Variants in UBE2R2 observed in about 807,000 individuals in gnomAD.
UBE2R2 encodes the protein ubiquitin-conjugating enzyme E2 R2.
UBE2R2 carries 1 observed loss-of-function variant against 27.8 expected under a neutral mutation model. The ratio of observed to expected loss-of-function variants is 0.04; its 90% CI spans 0.01 to 0.17. UBE2R2 has a LOEUF of 0.17. Ranked by LOEUF, UBE2R2 falls within the 10% of genes least tolerant of loss-of-function variation. UBE2R2 has a pLI of 1.00. For missense variants in UBE2R2, 100 were observed against 291.0 expected (o/e 0.34, Z 4.78); for synonymous variants, 106 against 113.3 (o/e 0.94, Z 0.41).
intron 1 of UBE2R2, among the ~76,000 whole-genome samples, chr9:33,831,367 C>G (rs2130725997): frequency 6.6e-6 from 1 of 152,242 alleles, no homozygotes; most frequent in East Asian, 1.9e-4. Context: ...TAAGGCAAAA[C>G]AAAAGAGTTT....
chr9:33,845,396 G>A (rs1235859125), intron 1 of UBE2R2, among the ~76,000 whole-genome samples: 4 of 151,440 alleles, frequency 2.6e-5, no homozygotes, highest in South Asian at 2.1e-4. Flanking sequence ...ACAGGCGCCC[G>A]CCACCACACC....
At chr9:33,857,138 C>T (rs1043698426) in intron 1 of UBE2R2, among the ~76,000 whole-genome samples, 3 of 151,596 alleles carry the variant, frequency 2.0e-5, no homozygotes, top group Non-Finnish European at 2.9e-5. Context: ...TCAGGTGATC[C>T]GCCCGTCTGA....
chr9:33,824,592 T>G (rs1250719898), intron 1 of UBE2R2, among the ~76,000 whole-genome samples: 1 of 148,966 alleles, frequency 6.7e-6, no homozygotes, highest in Non-Finnish European at 1.5e-5. Context: ...TGAACTGATA[T>G]CGAGGCACTG....
At chr9:33,836,924 C>T (rs1321199521) in intron 1 of UBE2R2, among the ~76,000 whole-genome samples, 4 of 152,058 alleles carry the variant, frequency 2.6e-5, no homozygotes, top group Admixed American at 2.6e-4. Context: ...GTATTGGGTT[C>T]TTAGTTCCAA....
intron 1 of UBE2R2, among the ~76,000 whole-genome samples, chr9:33,824,388 G>C (rs750930259): frequency 2.0e-5 from 3 of 152,060 alleles, no homozygotes; most frequent in Admixed American, 6.6e-5. Context: ...TGTAATCCTA[G>C]CACTTTGGGA....
In UBE2R2 at chr9:33,874,360, T is replaced by C. The variant is rs571042700; in HGVS notation, c.178-12521T>C. ...TAGAAGATTCACAAGTGAAAAATCT[T>C]CTTTTTTCAGTTTATAAAAATAATA... On this transcript the variant is annotated intron_variant, in intron 1 of 4. Transcript: ENST00000263228. Among the ~76,000 whole-genome samples, 25 of 152,258 alleles carry C rather than the reference T, an allele frequency of 1.6e-4. No homozygotes were observed. The East Asian group carries it at 4.8e-3, about 29-fold the overall frequency.
At chr9:33,877,353 T>C (rs1821628547) in intron 1 of UBE2R2, among the ~76,000 whole-genome samples, 1 of 151,874 alleles carries the variant, frequency 6.6e-6, no homozygotes, top group African/African-American at 2.4e-5. Flanking sequence ...CGGCTAATTT[T>C]TTCTGTTTTT....
chr9:33,857,642 A>G (rs1261519532), intron 1 of UBE2R2, among the ~76,000 whole-genome samples: 2 of 152,178 alleles, frequency 1.3e-5, no homozygotes, highest in African/African-American at 4.8e-5. Flanking sequence ...TAAATTAGAA[A>G]GTGTTACTAT....
At chr9:33,903,577 A>G (rs990093044) in intron 3 of UBE2R2, among the ~76,000 whole-genome samples, 2 of 152,222 alleles carry the variant, frequency 1.3e-5, no homozygotes, top group Non-Finnish European at 2.9e-5. Context: ...TTACACGCAA[A>G]TGATGTCATT....
chr9:33,852,943 G>GGTTGA (rs1821000014), intron 1 of UBE2R2, among the ~76,000 whole-genome samples: 1 of 152,134 alleles, frequency 6.6e-6, no homozygotes, highest in African/African-American at 2.4e-5. Flanking sequence ...AGGAGGCGGA[G>GGTTGA]GTTGCAGTGA....
At chr9:33,884,441 G>A (rs905403747) in intron 1 of UBE2R2, among the ~76,000 whole-genome samples, 7 of 151,044 alleles carry the variant, frequency 4.6e-5, no homozygotes, top group Non-Finnish European at 7.4e-5. Flanking sequence ...CACCATACCC[G>A]ACTGATTTTT....
chr9:33,890,723 T>TC, intron 2 of UBE2R2, among the ~76,000 whole-genome samples: 1 of 151,054 alleles, frequency 6.6e-6, no homozygotes, highest in East Asian at 2.0e-4. Flanking sequence ...GGCAAGAGAA[T>TC]TGCTTGAACC....
chr9:33,872,883 T>C (rs1821517405), intron 1 of UBE2R2, among the ~76,000 whole-genome samples: 1 of 151,644 alleles, frequency 6.6e-6, no homozygotes, highest in Admixed American at 6.6e-5. Flanking sequence ...ATGGTTAAGA[T>C]TTCATATCAG....
chr9:33,892,911 T>TA (rs140913929), intron 2 of UBE2R2, among the ~76,000 whole-genome samples: 11,957 of 148,074 alleles, frequency 0.081, 652 homozygotes, highest in Non-Finnish European at 0.12. Flanking sequence ...ACTTCCTTAT[T>TA]AAAAAAAAAA....
intron 1 of UBE2R2, among the ~76,000 whole-genome samples, chr9:33,878,444 G>A (rs145540038): frequency 6.6e-6 from 1 of 152,134 alleles, no homozygotes; most frequent in Non-Finnish European, 1.5e-5. Flanking sequence ...GTGAAACCCT[G>A]TCCCTACAAA....
chr9:33,868,156 G>A (rs1821404181), intron 1 of UBE2R2, among the ~76,000 whole-genome samples: 2 of 152,178 alleles, frequency 1.3e-5, no homozygotes, highest in South Asian at 2.1e-4. Flanking sequence ...CCTCTCCGAA[G>A]CCGCACTGTC....
At chr9:33,904,945 G>A (rs1309190175) in intron 3 of UBE2R2, among the ~76,000 whole-genome samples, 1 of 152,144 alleles carries the variant, frequency 6.6e-6, no homozygotes, top group Non-Finnish European at 1.5e-5. Context: ...TCTTCCTGAT[G>A]GAGGAAACAA....
chr9:33,893,882 T>C (rs1822039296), intron 2 of UBE2R2, among the ~76,000 whole-genome samples: 1 of 152,152 alleles, frequency 6.6e-6, no homozygotes. Flanking sequence ...TTCACCTGCC[T>C]TGGCCTCCCA....
chr9:33,828,510 C>T (rs898323795), intron 1 of UBE2R2, among the ~76,000 whole-genome samples: 15 of 151,628 alleles, frequency 9.9e-5, no homozygotes, highest in African/African-American at 3.4e-4. Flanking sequence ...CTGCCTTAGC[C>T]TCCAAGTAGC....
Sources: gnomAD v4.1 joint callset for allele counts (sites outside exome capture counted in the v4.1 genomes callset) on GRCh38, gnomAD v4.1.1 for gene constraint, MANE v1.5 for transcripts, NCBI Gene and HGNC (gene_info 2026-07-23, HGNC 2026-07-21) for gene names.